The following MSI2 variants were observed in gnomAD, a reference collection of about 807,000 sequenced individuals.
MSI2 encodes the protein RNA-binding protein Musashi homolog 2.
MSI2 carries 17 observed loss-of-function variants against 45.6 expected under a neutral mutation model. The ratio of observed to expected loss-of-function variants is 0.37; its 90% CI spans 0.26 to 0.56. MSI2 has a LOEUF of 0.56. MSI2 is among the 20% of genes least tolerant of loss of function. MSI2 has a pLI of 0.77. For synonymous variants in MSI2, 156 were observed against 158.2 expected, an observed-to-expected ratio of 0.99 and a Z score of 0.11; for missense variants, 293 against 444.2, an observed-to-expected ratio of 0.66 and a Z score of 3.06.
intron 6 of MSI2, among the ~76,000 whole-genome samples, chr17:57,507,563 C>T (rs1307130990): frequency 6.6e-6 from 1 of 152,130 alleles, no homozygotes; most frequent in Non-Finnish European, 1.5e-5. Context: ...ATTGATTATG[C>T]TGTTTTTGGA....
At chr17:57,574,466 G>A (rs2087960919) in intron 7 of MSI2, among the ~76,000 whole-genome samples, 1 of 152,204 alleles carries the variant, frequency 6.6e-6, no homozygotes, top group Admixed American at 6.5e-5. Context: ...GCAGGGCGGA[G>A]AAGCCAGCCC....
At chr17:57,343,043 C>A (rs1915300976) in intron 5 of MSI2, among the ~76,000 whole-genome samples, 1 of 152,158 alleles carries the variant, frequency 6.6e-6, no homozygotes, top group Admixed American at 6.5e-5. Context: ...CTTGCAAAAT[C>A]TGATAGCAGA....
At chr17:57,380,128 A>C (rs1343580922) in intron 5 of MSI2, among the ~76,000 whole-genome samples, 1 of 152,020 alleles carries the variant, frequency 6.6e-6, no homozygotes, top group African/African-American at 2.4e-5. Context: ...TGCCAGGATG[A>C]CTGTTTCCAC....
chr17:57,566,816 G>A (rs1050154113), intron 7 of MSI2, among the ~76,000 whole-genome samples: 1 of 152,200 alleles, frequency 6.6e-6, no homozygotes, highest in African/African-American at 2.4e-5. Flanking sequence ...GGAGTGTTCA[G>A]AGGCGCACCA....
intron 6 of MSI2, among the ~76,000 whole-genome samples, chr17:57,475,777 G>C (rs982300517): frequency 1.3e-5 from 2 of 148,548 alleles, no homozygotes; most frequent in Non-Finnish European, 3.0e-5. Context: ...TGTTGTCTGT[G>C]TGTGTATGTG....
intron 5 of MSI2, among the ~76,000 whole-genome samples, chr17:57,380,830 G>C (rs939262144): frequency 1.4e-4 from 22 of 152,158 alleles, no homozygotes; most frequent in Non-Finnish European, 2.1e-4. Flanking sequence ...ACTTCTGTGT[G>C]TGCTGATGTC....
At chr17:57,573,941 A>G (rs1463916304) in intron 7 of MSI2, among the ~76,000 whole-genome samples, 2 of 152,248 alleles carry the variant, frequency 1.3e-5, no homozygotes, top group Non-Finnish European at 2.9e-5. Context: ...AGTAGGACTT[A>G]TAAGCCAAGT....
At chr17:57,646,664 G>A (rs571969495) in intron 10 of MSI2, among the ~76,000 whole-genome samples, 22 of 152,318 alleles carry the variant, frequency 1.4e-4, no homozygotes, top group African/African-American at 4.8e-4. Context: ...GAGGCCAAGG[G>A]GGTGATTCTT....
At chr17:57,546,235 A>C (rs973761732) in intron 7 of MSI2, among the ~76,000 whole-genome samples, 1 of 152,248 alleles carries the variant, frequency 6.6e-6, no homozygotes, top group East Asian at 1.9e-4. Flanking sequence ...TACTTTCTGA[A>C]CACAATCTTC....
At chr17:57,631,258 C>G (rs902215237) in intron 10 of MSI2, 1 of 152,704 alleles carries the variant, frequency 6.5e-6, no homozygotes, top group African/African-American at 2.4e-5. Context: ...GACTCTTCAT[C>G]CTGGCTGTTC....
At chr17:57,322,807 G>T (rs564805114) in intron 5 of MSI2, among the ~76,000 whole-genome samples, 2 of 152,230 alleles carry the variant, frequency 1.3e-5, no homozygotes, top group Non-Finnish European at 2.9e-5. Flanking sequence ...CCTTTCTCCT[G>T]TGCTGTTTTC....
intron 6 of MSI2, among the ~76,000 whole-genome samples, chr17:57,509,277 A>AT (rs1191371156): frequency 2.0e-5 from 3 of 151,974 alleles, no homozygotes; most frequent in Non-Finnish European, 4.4e-5. Flanking sequence ...TCTCTTAAAT[A>AT]TTTTTTCTCT....
In MSI2 at chr17:57,529,514, GT is replaced by G. The variant is rs55990806; in HGVS notation, c.406-153del. Reference sequence around the variant, plus strand: ...AACGGTGTGGAGTGGAAAGACCACTGTTTTTTTTTCTTTCTACTTTTTTGCA... The same window carrying G: ...AACGGTGTGGAGTGGAAAGACCACTGTTTTTTTTCTTTCTACTTTTTTGCA... On this transcript the variant is annotated intron_variant, in intron 6 of 13. Coordinates refer to ENST00000284073, the MANE Select transcript of MSI2 (RefSeq NM_138962.4). The surrounding 1 kb of genome is among the most constrained non-coding windows in gnomAD (Gnocchi z 5.3). Among the ~76,000 whole-genome samples the G allele has an allele frequency of 1.1e-4, 16 of 151,042 alleles. No individual in the cohort carries two copies. Among genetic ancestry groups the G allele is most frequent in the Admixed American group, 5.3e-4 (8 of 15,200 alleles).
chr17:57,614,506 C>T (rs756409173), intron 8 of MSI2, among the ~76,000 whole-genome samples: 1 of 152,132 alleles, frequency 6.6e-6, no homozygotes, highest in Non-Finnish European at 1.5e-5. Context: ...ACCATATGGC[C>T]CAGACTGCTC....
intron 6 of MSI2, among the ~76,000 whole-genome samples, chr17:57,455,767 C>T (rs747940539): frequency 2.3e-4 from 35 of 152,148 alleles, no homozygotes; most frequent in Non-Finnish European, 4.3e-4. Flanking sequence ...AGCAGGGCCG[C>T]GTGGAGTGCC....
intron 6 of MSI2, among the ~76,000 whole-genome samples, chr17:57,453,206 GGTC>G (rs1400954259): frequency 6.6e-6 from 1 of 151,958 alleles, no homozygotes; most frequent in Non-Finnish European, 1.5e-5. Flanking sequence ...TCATTAGGTT[GGTC>G]AGGCTGATCT....
At chr17:57,351,261 C>T (rs1916007911) in intron 5 of MSI2, among the ~76,000 whole-genome samples, 1 of 152,104 alleles carries the variant, frequency 6.6e-6, no homozygotes, top group African/African-American at 2.4e-5. Context: ...AACTAGCACA[C>T]CCACATTCTC....
intron 6 of MSI2, among the ~76,000 whole-genome samples, chr17:57,418,011 G>A (rs1207479503): frequency 6.6e-6 from 1 of 152,198 alleles, no homozygotes; most frequent in African/African-American, 2.4e-5. Context: ...AGTACATAGA[G>A]AGCAGGGCTT....
chr17:57,636,278 A>AG (rs1909829573), intron 10 of MSI2, among the ~76,000 whole-genome samples: 1 of 152,160 alleles, frequency 6.6e-6, no homozygotes, highest in African/African-American at 2.4e-5. Flanking sequence ...GCCATAGGCA[A>AG]GGGGCTGCAT....
Sources: gnomAD v4.1 joint callset for allele counts (sites outside exome capture counted in the v4.1 genomes callset) on GRCh38, gnomAD v4.1.1 for gene constraint, Gnocchi (gnomAD v3.1) non-coding constraint, MANE v1.5 for transcripts, NCBI Gene and HGNC (gene_info 2026-07-23, HGNC 2026-07-21) for gene names.